The following TIAM2 variants were observed in gnomAD, a reference collection of about 807,000 sequenced individuals.
TIAM2 encodes rho guanine nucleotide exchange factor TIAM2.
Under a neutral mutation model 152.9 loss-of-function variants are expected in TIAM2, and 80 were observed. That is an observed-to-expected ratio of 0.52 (90% CI 0.44 to 0.63). The LOEUF (loss-of-function observed/expected upper bound fraction) is 0.63. Among genes scored for constraint, TIAM2 ranks in the 30% least tolerant of loss-of-function variants. TIAM2 has a pLI of 0.00. For synonymous variants in TIAM2, 804 were observed against 838.0 expected (o/e 0.96, Z 0.70); for missense variants, 1,965 against 2,120.1 (o/e 0.93, Z 1.44).
intron 14 of TIAM2, among the ~76,000 whole-genome samples, chr6:155,209,507 G>T (rs1230670297): frequency 2.0e-5 from 3 of 152,132 alleles, no homozygotes; most frequent in Admixed American, 2.0e-4. Context: ...GTTGGTGAGG[G>T]GACTGCCTCT....
In TIAM2 at chr6:155,130,103, T is replaced by A. The variant is rs1779409093; in HGVS notation, c.880T>A (p.Ser294Thr). The A allele has an allele frequency of 6.2e-7, 1 of 1,613,932 alleles. No homozygotes were observed. Residue 294 changes from serine to threonine, a missense_variant, in exon 4 of 27, where the codon TCT (serine) becomes ACT (threonine). Physicochemically the swap from Ser to Thr is moderately conservative, Grantham distance 58. Transcript: ENST00000682666. ...TGCCAAAAAGCCTTTCAACCAAAGC[T>A]CTTCCCTCTCCTCCCTCCGGGAACT... is the stretch of plus-strand genomic sequence containing the variant. ...GDAKKPFNQS[S>T]SLSSLRELYK...
chr6:155,160,082 C>G (rs867317073), intron 7 of TIAM2, among the ~76,000 whole-genome samples: 1 of 152,090 alleles, frequency 6.6e-6, no homozygotes, highest in Non-Finnish European at 1.5e-5. Flanking sequence ...TGGAGAAGAG[C>G]AAGTCCCAAG....
In TIAM2 at chr6:155,034,791, A is replaced by G. The variant is rs181560687; in HGVS notation, c.-209+39299A>G. Among the ~76,000 whole-genome samples the G allele has an allele frequency of 1.1e-4, 17 of 152,260 alleles. No individual in the cohort carries two copies. In the East Asian group the frequency reaches 3.3e-3, roughly 29 times the overall value. On this transcript the variant is annotated intron_variant, in intron 1 of 26. Coordinates refer to ENST00000682666, the MANE Select transcript of TIAM2 (RefSeq NM_012454.4). Reference sequence around the variant, plus strand: ...TTGGCTGGGACCTCCAACACAATATATATTGGCTTATTCCTGGTCTTAATA... The same window carrying G: ...TTGGCTGGGACCTCCAACACAATATGTATTGGCTTATTCCTGGTCTTAATA...
chr6:155,029,505 A>ATAGT, intron 1 of TIAM2, among the ~76,000 whole-genome samples: 1 of 28,368 alleles, frequency 3.5e-5, no homozygotes, highest in South Asian at 8.8e-4. Flanking sequence ...TATTATATAT[A>ATAGT]ATATATACTA....
intron 20 of TIAM2, among the ~76,000 whole-genome samples, 185 bp downstream of exon 20, chr6:155,248,364 A>T (rs549480946): frequency 2.0e-5 from 3 of 152,154 alleles, no homozygotes; most frequent in African/African-American, 7.2e-5. Flanking sequence ...GCGTCTGGGC[A>T]CTCCTTTAGA....
intron 15 of TIAM2, among the ~76,000 whole-genome samples, chr6:155,229,752 A>T (rs6930101): frequency 0.89 from 135,673 of 152,260 alleles, 60,549 homozygotes; most frequent in East Asian, 0.99. Flanking sequence ...ACTGGGTAAT[A>T]TATAAAGAAA....
chr6:155,182,701 A>G (rs927838233), intron 13 of TIAM2, among the ~76,000 whole-genome samples: 1 of 151,944 alleles, frequency 6.6e-6, no homozygotes, highest in East Asian at 1.9e-4. Context: ...ACATATATAT[A>G]GACAGAGGGA....
intron 15 of TIAM2, among the ~76,000 whole-genome samples, chr6:155,231,643 G>T (rs1009682388): frequency 2.6e-5 from 4 of 152,046 alleles, no homozygotes; most frequent in African/African-American, 9.7e-5. Context: ...TTCCCCCCAA[G>T]CACTAAATAG....
At chr6:155,194,280 G>C (rs1187739206) in intron 14 of TIAM2, among the ~76,000 whole-genome samples, 1 of 152,144 alleles carries the variant, frequency 6.6e-6, no homozygotes, top group Non-Finnish European at 1.5e-5. Context: ...GAGAAGGTAG[G>C]GTGAGACAGG....
intron 1 of TIAM2, among the ~76,000 whole-genome samples, chr6:155,082,816 C>G (rs186340874): frequency 1.3e-5 from 2 of 151,822 alleles, no homozygotes; most frequent in African/African-American, 4.8e-5. Context: ...AGAGAGAGAG[C>G]CTTACTATAC....
chr6:155,142,691 A>G (rs1779737254), intron 5 of TIAM2, among the ~76,000 whole-genome samples: 1 of 152,256 alleles, frequency 6.6e-6, no homozygotes, highest in Non-Finnish European at 1.5e-5. Flanking sequence ...TGCAAGAAGC[A>G]GCTCTGGCTG....
intron 14 of TIAM2, among the ~76,000 whole-genome samples, 191 bp from the exon 15 acceptor site, chr6:155,211,013 A>G (rs1315814774): frequency 1.3e-5 from 2 of 152,234 alleles, no homozygotes; most frequent in East Asian, 3.8e-4. Flanking sequence ...CTTTTCAATT[A>G]GCAAGACCCT....
chr6:155,133,090 C>T (rs1045524347), intron 4 of TIAM2, among the ~76,000 whole-genome samples: 2 of 152,208 alleles, frequency 1.3e-5, no homozygotes, highest in Non-Finnish European at 2.9e-5. Flanking sequence ...TGTGGTGGCT[C>T]ACGCCTGTCA....
At position 155,010,128 on chromosome 6, in the gene TIAM2, G is replaced by A. The variant is rs191413253; in HGVS notation, c.-209+14636G>A. Among the ~76,000 whole-genome samples, 263 of 152,260 alleles carry A rather than the reference G, an allele frequency of 1.7e-3. 1 individual carries two copies. Among genetic ancestry groups the A allele is most frequent in the African/African-American group, 6.1e-3 (253 of 41,546 alleles). On this transcript the variant is annotated intron_variant, in intron 1 of 26. Coordinates refer to ENST00000682666, the MANE Select transcript of TIAM2 (RefSeq NM_012454.4). ...TAGCACTACAGGCGTGAGCCACCACGGCTGGCCAGATTCTGTATACTCTTG... is the reference window on the plus strand; with the variant it reads ...TAGCACTACAGGCGTGAGCCACCACAGCTGGCCAGATTCTGTATACTCTTG...
At chr6:155,220,957 C>T (rs937112559) in intron 15 of TIAM2, among the ~76,000 whole-genome samples, 8 of 151,972 alleles carry the variant, frequency 5.3e-5, no homozygotes, top group Non-Finnish European at 1.0e-4. Flanking sequence ...TGATGTTCCC[C>T]TCCCTGTGTC....
In TIAM2 at chr6:154,995,445, G is replaced by A. The variant is rs1166543670; in HGVS notation, c.-256G>A. ...GCGAGGGCCACGCGCCGAGGGTAGC[G>A]GAGGGCGGCGCGCGACCGGCCCCAC... is the stretch of plus-strand genomic sequence containing the variant. On this transcript the variant is annotated 5_prime_UTR_variant, in exon 1 of 27. Transcript: ENST00000682666. This position sits in a 1 kb window ranked among gnomAD's most constrained non-coding sequence, Gnocchi z 5.2. 1.3e-5 allele frequency: 2 copies of A among 151,078 alleles called. No individual in the cohort carries two copies. Among genetic ancestry groups the A allele is most frequent in the African/African-American group, 4.8e-5 (2 of 41,340 alleles). 9.4% of individuals were successfully genotyped at this position (151,078 alleles called of 1,614,324 possible). A position where few individuals can be genotyped will look rare whatever the true frequency, so the allele number is the denominator to read the frequency against.
intron 15 of TIAM2, among the ~76,000 whole-genome samples, chr6:155,212,031 G>T (rs1781734220): frequency 6.6e-6 from 1 of 152,104 alleles, no homozygotes; most frequent in Non-Finnish European, 1.5e-5. Flanking sequence ...TCCAGGTTGT[G>T]GCATGTGTCA....
intron 1 of TIAM2, among the ~76,000 whole-genome samples, chr6:155,089,130 T>C (rs983189211): frequency 3.3e-5 from 5 of 151,698 alleles, no homozygotes; most frequent in Non-Finnish European, 7.4e-5. Flanking sequence ...TGAGTTTTAA[T>C]ATATAACCAG....
chr6:155,035,615 T>C lies in TIAM2; in HGVS notation c.-209+40123T>C, dbSNP rs79267515. On this transcript the variant is annotated intron_variant, in intron 1 of 26. Coordinates refer to ENST00000682666, the MANE Select transcript of TIAM2 (RefSeq NM_012454.4). ...GTACTGATCATCATCATTGAAACTG[T>C]AAGGTCTAAGCAATTTGAAATGTAA... Among the ~76,000 whole-genome samples, 691 of 152,314 alleles carry C rather than the reference T, an allele frequency of 4.5e-3. 17 individuals are homozygous for C. Among genetic ancestry groups the C allele is most frequent in the East Asian group, 0.028 (144 of 5,190 alleles).
Sources: gnomAD v4.1 joint callset for allele counts (sites outside exome capture counted in the v4.1 genomes callset) on GRCh38, gnomAD v4.1.1 for gene constraint, Gnocchi (gnomAD v3.1) non-coding constraint, MANE v1.5 for transcripts, NCBI Gene and HGNC (gene_info 2026-07-23, HGNC 2026-07-21) for gene names.